LRRC37A2: variants seen among roughly 807,000 people sequenced by gnomAD.
LRRC37A2 encodes leucine-rich repeat-containing protein 37A2.
A neutral mutation model predicts 68.8 loss-of-function variants in LRRC37A2; 9 were observed. The observed-to-expected ratio is 0.13, with a 90% CI of 0.08 to 0.23. The LOEUF (loss-of-function observed/expected upper bound fraction) is 0.23, where lower values mean the gene tolerates loss of function less well. LRRC37A2 is among the 10% of genes least tolerant of loss of function. The pLI is 1.00. For synonymous variants in LRRC37A2, 63 were observed against 367.6 expected (o/e 0.17, Z 9.48); for missense variants, 168 against 950.4 (o/e 0.18, Z 10.82).
At chr17:47,033,452 G>C in the LRRC37A2 span, 2 of 690,816 alleles carry the variant, frequency 2.9e-6, no homozygotes, top group Non-Finnish European at 5.2e-6. Flanking sequence ...TGAGGGTCTA[G>C]GTCATCTGAT....
the LRRC37A2 span, among the ~76,000 whole-genome samples, chr17:46,814,891 G>A: frequency 2.6e-5 from 4 of 152,228 alleles, no homozygotes; most frequent in African/African-American, 9.6e-5. Context: ...GCTCGAGTGG[G>A]AGGATGGGTC....
the LRRC37A2 span, among the ~76,000 whole-genome samples, chr17:46,502,876 CAT>C: frequency 6.6e-6 from 1 of 150,748 alleles, no homozygotes; most frequent in Non-Finnish European, 1.5e-5. Flanking sequence ...CACTGTGACT[CAT>C]GTTACAGGCT....
At chr17:46,951,244 C>T in the LRRC37A2 span, among the ~76,000 whole-genome samples, 2 of 152,200 alleles carry the variant, frequency 1.3e-5, no homozygotes, top group African/African-American at 4.8e-5. Flanking sequence ...CGGCGGGTTC[C>T]AGAGGTGCCC....
chr17:46,978,036 TG>T, the LRRC37A2 span: 1 of 152,426 alleles, frequency 6.6e-6, no homozygotes, highest in Non-Finnish European at 1.5e-5. Context: ...ACCTGACCTG[TG>T]GGCTCCCCAG....
chr17:47,008,956 G>A, the LRRC37A2 span, among the ~76,000 whole-genome samples: 2 of 151,786 alleles, frequency 1.3e-5, no homozygotes. Flanking sequence ...TTGCTGAAAG[G>A]AAGATAAGAA....
the LRRC37A2 span, among the ~76,000 whole-genome samples, chr17:46,792,078 C>A: frequency 6.6e-6 from 1 of 152,214 alleles, no homozygotes; most frequent in Non-Finnish European, 1.5e-5. Context: ...CTTACACATA[C>A]ATAGAAATAG....
At chr17:46,889,123 C>T in the LRRC37A2 span, among the ~76,000 whole-genome samples, 1 of 152,102 alleles carries the variant, frequency 6.6e-6, no homozygotes, top group Non-Finnish European at 1.5e-5. Flanking sequence ...TGCAACTCAA[C>T]CTTTATTCGT....
the LRRC37A2 span, among the ~76,000 whole-genome samples, chr17:46,977,006 G>T: frequency 6.6e-6 from 1 of 152,260 alleles, no homozygotes; most frequent in Admixed American, 6.5e-5. Flanking sequence ...ATTCTCCCAG[G>T]TCTGAGATTG....
the LRRC37A2 span, among the ~76,000 whole-genome samples, chr17:46,927,596 G>A: frequency 1.3e-5 from 2 of 152,082 alleles, no homozygotes; most frequent in Admixed American, 6.6e-5. Flanking sequence ...TTTTCTGTAC[G>A]GGTAACAAAC....
the LRRC37A2 span, among the ~76,000 whole-genome samples, chr17:46,740,297 G>A: frequency 2.0e-5 from 3 of 152,204 alleles, no homozygotes; most frequent in Non-Finnish European, 2.9e-5. Context: ...GGTTAAATGA[G>A]GGCAGGGTAT....
chr17:46,960,170 A>G, the LRRC37A2 span, among the ~76,000 whole-genome samples: 1 of 152,242 alleles, frequency 6.6e-6, no homozygotes, highest in Non-Finnish European at 1.5e-5. Flanking sequence ...CAATAAGAAA[A>G]CAAGCAACCC....
chr17:46,987,628 T>C, the LRRC37A2 span, among the ~76,000 whole-genome samples: 3 of 152,046 alleles, frequency 2.0e-5, no homozygotes, highest in South Asian at 6.2e-4. Flanking sequence ...CCACTCTAAG[T>C]ATATACCCAA....
chr17:46,932,578 G>C, the LRRC37A2 span: 1 of 467,180 alleles, frequency 2.1e-6, no homozygotes, highest in Admixed American at 3.9e-5. Flanking sequence ...CTGCCTGCGG[G>C]CAGTTGCCAT....
At chr17:46,996,424 G>A in the LRRC37A2 span, among the ~76,000 whole-genome samples, 1 of 152,190 alleles carries the variant, frequency 6.6e-6, no homozygotes, top group Non-Finnish European at 1.5e-5. Flanking sequence ...TTTCCTTTAA[G>A]GATATGCCCA....
chr17:46,708,469 T>G, the LRRC37A2 span, among the ~76,000 whole-genome samples: 1 of 151,870 alleles, frequency 6.6e-6, no homozygotes, highest in Non-Finnish European at 1.5e-5. Flanking sequence ...TTCATATGCT[T>G]ATCAACCATT....
the LRRC37A2 span, among the ~76,000 whole-genome samples, chr17:46,492,436 T>C: frequency 3.3e-5 from 5 of 150,978 alleles, no homozygotes; most frequent in African/African-American, 1.2e-4. Flanking sequence ...AATATTTCAA[T>C]TATTTCTAGT....
the LRRC37A2 span, among the ~76,000 whole-genome samples, chr17:46,836,020 G>A: frequency 5.9e-5 from 9 of 152,046 alleles, no homozygotes; most frequent in South Asian, 8.3e-4. Flanking sequence ...CATTCTGGAT[G>A]GGGCCTGCGA....
At chr17:46,940,301 C>T in the LRRC37A2 span, 13 of 1,440,930 alleles carry the variant, frequency 9.0e-6, no homozygotes, top group Non-Finnish European at 1.1e-5. Flanking sequence ...CCAAATGGGC[C>T]CCAGGTTTCC....
chr17:46,869,166 G>A, the LRRC37A2 span, among the ~76,000 whole-genome samples: 1 of 152,146 alleles, frequency 6.6e-6, no homozygotes, highest in African/African-American at 2.4e-5. Flanking sequence ...TGTGCGGTTG[G>A]CTACCTTTCC....
Sources: gnomAD v4.1 joint callset for allele counts (sites outside exome capture counted in the v4.1 genomes callset) on GRCh38, gnomAD v4.1.1 for gene constraint, MANE v1.5 for transcripts, NCBI Gene and HGNC (gene_info 2026-07-23, HGNC 2026-07-21) for gene names.